Variants in KIF13A observed in about 807,000 individuals in gnomAD.
KIF13A encodes kinesin family member 13A.
A neutral mutation model predicts 212.2 loss-of-function variants in KIF13A; 79 were observed. The ratio of observed to expected loss-of-function variants is 0.37; its 90% CI spans 0.31 to 0.45. KIF13A has a LOEUF of 0.45. Among genes scored for constraint, KIF13A ranks in the 20% least tolerant of loss-of-function variants. The probability of loss-of-function intolerance (pLI) is 1.00; values close to 1 mark genes in which losing one functional copy is unlikely to be tolerated. For synonymous variants in KIF13A, 789 were observed against 808.6 expected (o/e 0.98, Z 0.41); for missense variants, 1,901 against 2,209.0 (o/e 0.86, Z 2.79).
chr6:17,941,587 G>A (rs1157419728), intron 2 of KIF13A, among the ~76,000 whole-genome samples: 3 of 152,108 alleles, frequency 2.0e-5, no homozygotes, highest in Non-Finnish European at 1.5e-5. Context: ...GGAAGACAAT[G>A]AGAAGACGCA....
chr6:17,849,446 G>A lies in KIF13A; in HGVS notation c.761C>T (p.Ala254Val), dbSNP rs775888626. The change falls in exon 9 of 39, where the codon GCG (alanine) becomes GTG (valine). Residue 254 changes from alanine to valine, a missense_variant. Ala to Val is a moderately conservative substitution (Grantham distance 64). This residue lies in a region of KIF13A where 506 missense variants were observed against 637.4 expected (regional missense o/e 0.79). Transcript: ENST00000259711. The surrounding 1 kb of genome is among the most constrained non-coding windows in gnomAD (Gnocchi z 5.7). ...KVSKVSLVDL[A>V]GSERVSKTGA... Reference sequence around the variant, plus strand: ...TGTTTTAGATACTCTTTCGCTACCCGCCAGGTCTACCAAGCTGACCTTACT... The same window carrying A: ...TGTTTTAGATACTCTTTCGCTACCCACCAGGTCTACCAAGCTGACCTTACT... 6 of 1,613,524 alleles carry A rather than the reference G, an allele frequency of 3.7e-6. No homozygotes were observed. The highest frequency in any genetic ancestry group is 1.7e-5 in the Admixed American group (1 of 59,970).
intron 2 of KIF13A, chr6:17,950,880 G>A: frequency 1.0e-6 from 1 of 983,296 alleles, no homozygotes. Flanking sequence ...GATTAAATGT[G>A]TGGGATAATT....
rs1764027420 is a variant in KIF13A at position 17,817,211 on chromosome 6, C to G, written c.1809G>C (p.Gln603His). 6.2e-7 allele frequency: 1 copy of G among 1,613,944 alleles called. No homozygotes were observed. The highest frequency in any genetic ancestry group is 1.7e-5 in the Admixed American group (1 of 60,006). ...CTTCTAGGTATTGTTTCTCCAGGAC[C>G]TGAACCACATTTTGAACTGGGTCTA... ...NSNDPVQNVV[Q>H]VLEKQYLEEK... Residue 603 changes from glutamine to histidine, a missense_variant, in exon 17 of 39, where the codon CAG becomes CAC. Physicochemically the swap from Gln to His is conservative, Grantham distance 24. This residue lies in a region of KIF13A where 534 missense variants were observed against 536.9 expected (regional missense o/e 0.99). Transcript: ENST00000259711.
rs1366350096 is a variant in KIF13A at position 17,967,332 on chromosome 6, C to G, written c.146+19722G>C. Among the ~76,000 whole-genome samples the G allele has an allele frequency of 6.6e-6, 1 of 152,138 alleles. No homozygotes were observed. Among genetic ancestry groups the G allele is most frequent in the East Asian group, 1.9e-4 (1 of 5,200 alleles). ...CAAGCACAGAAAAAGGAAAATGCAT[C>G]ACAATGTTAAAAGAATGAGTAAACT... On this transcript the variant is annotated intron_variant, in intron 2 of 38. Transcript: ENST00000259711. The surrounding 1 kb of genome is among the most constrained non-coding windows in gnomAD (Gnocchi z 4.1).
intron 2 of KIF13A, among the ~76,000 whole-genome samples, chr6:17,969,572 G>A (rs368286250): frequency 2.0e-5 from 3 of 152,124 alleles, no homozygotes; most frequent in Admixed American, 1.3e-4. Context: ...TTTTCTTCCT[G>A]AGGCAACTGA....
chr6:17,796,331 A>T (rs887212534), intron 23 of KIF13A, among the ~76,000 whole-genome samples: 6 of 69,544 alleles, frequency 8.6e-5, no homozygotes, highest in Admixed American at 2.6e-4. Flanking sequence ...ATTTTTTTAT[A>T]AATAAAAAAA....
intron 16 of KIF13A, among the ~76,000 whole-genome samples, chr6:17,818,125 T>C (rs909733417): frequency 6.6e-6 from 1 of 152,180 alleles, no homozygotes; most frequent in Non-Finnish European, 1.5e-5. Flanking sequence ...ACAATCTCAA[T>C]AGTAGAACAA....
chr6:17,819,998 A>C (rs1050502327), intron 16 of KIF13A, among the ~76,000 whole-genome samples: 1 of 152,044 alleles, frequency 6.6e-6, no homozygotes, highest in Non-Finnish European at 1.5e-5. Context: ...AAACTGCATT[A>C]TAGGGTTTTT....
At chr6:17,817,334 C>A in intron 16 of KIF13A, 101 bp from the exon 17 acceptor site, 1 of 973,810 alleles carries the variant, frequency 1.0e-6, no homozygotes, top group Non-Finnish European at 1.6e-6. Flanking sequence ...AGCAAGGAAT[C>A]TAGCCAGTCA....
rs1057477509 is a variant in KIF13A at position 17,785,764 on chromosome 6, T to TA, written c.3362-124dup. 1.2e-6 allele frequency: 1 copy of TA among 825,374 alleles called. No homozygotes were observed. Among genetic ancestry groups the TA allele is most frequent in the African/African-American group, 1.9e-5 (1 of 53,794 alleles). 51.1% of individuals were successfully genotyped at this position (825,374 alleles called of 1,614,324 possible). ...CCCATCTCTACCAAAAAAAAAAAAA[T>TA]AGTTGGGCAGGGTGGTGGTACGCAT... is the stretch of plus-strand genomic sequence containing the variant. On this transcript the variant is annotated intron_variant, in intron 27 of 38. Transcript: ENST00000259711. The surrounding 1 kb of genome is among the most constrained non-coding windows in gnomAD (Gnocchi z 5.8).
chr6:17,929,817 T>C (rs1775838646), intron 2 of KIF13A, among the ~76,000 whole-genome samples: 1 of 152,158 alleles, frequency 6.6e-6, no homozygotes, highest in Non-Finnish European at 1.5e-5. Flanking sequence ...GTTGGGGTTA[T>C]AGGCGTGAGC....
intron 2 of KIF13A, among the ~76,000 whole-genome samples, chr6:17,916,847 A>G (rs749992926): frequency 3.3e-5 from 5 of 152,210 alleles, no homozygotes; most frequent in Non-Finnish European, 7.3e-5. Context: ...AACCCTGAGT[A>G]TTATTGGTGA....
intron 2 of KIF13A, among the ~76,000 whole-genome samples, chr6:17,922,796 T>TA (rs900655413): frequency 1.7e-4 from 26 of 149,970 alleles, no homozygotes; most frequent in African/African-American, 3.2e-4. Flanking sequence ...TTTTTTTAAT[T>TA]AAAAAAAAAT....
At position 17,787,652 on chromosome 6, in the gene KIF13A, A is replaced by AAACAAC. The variant is rs368112451; in HGVS notation, c.3361+118_3361+123dup. On this transcript the variant is annotated intron_variant, in intron 27 of 38. Transcript: ENST00000259711. The surrounding 1 kb of genome is among the most constrained non-coding windows in gnomAD (Gnocchi z 4.6). ...GGTGACAGAGTGAGACCCTGTCTTA[A>AAACAAC]AACAACAACAACAACAACAACAAAA... 27 of 572,752 alleles carry AAACAAC rather than the reference A, an allele frequency of 4.7e-5. No individual in the cohort carries two copies. Among genetic ancestry groups the AAACAAC allele is most frequent in the Admixed American group, 1.7e-4 (6 of 35,554 alleles). The allele number at this position is 572,752 out of a possible 1,614,324, so 35.5% of individuals were successfully genotyped here.
chr6:17,961,280 G>T lies in KIF13A; in HGVS notation c.146+25774C>A, dbSNP rs1356936923. Among the ~76,000 whole-genome samples, 1 of 152,200 alleles carries T rather than the reference G, an allele frequency of 6.6e-6. No individual in the cohort carries two copies. Among genetic ancestry groups the T allele is most frequent in the Admixed American group, 6.5e-5 (1 of 15,274 alleles). On this transcript the variant is annotated intron_variant, in intron 2 of 38. Transcript: ENST00000259711. This position sits in a 1 kb window ranked among gnomAD's most constrained non-coding sequence, Gnocchi z 4.1. Reference sequence around the variant, plus strand: ...AGGTGGACTTCACTAGTGTGGGCTGGTAAGGGGACCTGGAAAGGAGCTGGG... The same window carrying T: ...AGGTGGACTTCACTAGTGTGGGCTGTTAAGGGGACCTGGAAAGGAGCTGGG...
chr6:17,938,186 C>T (rs534289559), intron 2 of KIF13A, among the ~76,000 whole-genome samples: 66 of 152,276 alleles, frequency 4.3e-4, no homozygotes, highest in African/African-American at 1.4e-3. Flanking sequence ...TGAGCCACCA[C>T]GCCAGGCCTT....
intron 4 of KIF13A, among the ~76,000 whole-genome samples, chr6:17,857,930 T>C (rs12209389): frequency 0.18 from 27,966 of 152,008 alleles, 2,871 homozygotes; most frequent in South Asian, 0.31. Flanking sequence ...CTGTTTTATA[T>C]GATGGAATAT....
chr6:17,925,676 G>A (rs1419559968), intron 2 of KIF13A, among the ~76,000 whole-genome samples: 1 of 152,196 alleles, frequency 6.6e-6, no homozygotes, highest in Non-Finnish European at 1.5e-5. Flanking sequence ...ATGTGCTTCA[G>A]TGTATGTGCA....
At chr6:17,905,626 G>A (rs753339997) in intron 2 of KIF13A, among the ~76,000 whole-genome samples, 6 of 152,214 alleles carry the variant, frequency 3.9e-5, no homozygotes, top group African/African-American at 9.7e-5. Flanking sequence ...GATTCACTGG[G>A]CAAAGAGGGA....
Sources: gnomAD v4.1 joint callset for allele counts (sites outside exome capture counted in the v4.1 genomes callset) on GRCh38, gnomAD v4.1.1 for gene constraint, gnomAD v4.1.1 regional missense constraint, Gnocchi (gnomAD v3.1) non-coding constraint, MANE v1.5 for transcripts, NCBI Gene and HGNC (gene_info 2026-07-23, HGNC 2026-07-21) for gene names.